OTOA: variants seen among roughly 807,000 people sequenced by gnomAD.
OTOA encodes otoancorin.
In OTOA, 70 loss-of-function variants were observed where a neutral mutation model predicts 110.8. The observed-to-expected ratio is 0.63, with a 90% CI of 0.52 to 0.77. The LOEUF (loss-of-function observed/expected upper bound fraction) is 0.77, where lower values mean the gene tolerates loss of function less well. OTOA is among the 30% of genes least tolerant of loss of function. The pLI, the probability that OTOA is intolerant of heterozygous loss-of-function variation, is 0.00. For synonymous variants in OTOA, 373 were observed against 431.5 expected, an observed-to-expected ratio of 0.86 and a Z score of 1.68; for missense variants, 917 against 1,075.8, an observed-to-expected ratio of 0.85 and a Z score of 2.06.
chr16:21,678,767 G>C (rs1352261827), intron 2 of OTOA, 148 bp from the exon 3 acceptor site: 1 of 1,220,428 alleles, frequency 8.2e-7, no homozygotes, highest in South Asian at 1.2e-5. Context: ...TTCAAGCCAC[G>C]GTTTTCTCAG....
chr16:21,707,728 CTCT>C (rs1304294654), intron 12 of OTOA, among the ~76,000 whole-genome samples: 13 of 126,702 alleles, frequency 1.0e-4, no homozygotes, highest in East Asian at 4.6e-4. Context: ...CTCTTTCTCA[CTCT>C]CTCTCTTTCT....
rs142967651 is a variant in OTOA, at chr16:21,736,370, C to T, written c.2411C>T (p.Pro804Leu). 1 of 1,614,006 alleles carries T rather than the reference C, an allele frequency of 6.2e-7. No homozygotes were observed. Among genetic ancestry groups the T allele is most frequent in the Non-Finnish European group, 8.5e-7 (1 of 1,180,018 alleles). Residue 804 changes from proline (P) to leucine (L), a missense_variant, in exon 22 of 29, where the codon CCC becomes CTC. Pro to Leu is a moderately conservative substitution (Grantham distance 98). Transcript: ENST00000646100. ...QSVRNSSDKI[P>L]SYDPMPGCHG... The stretch of plus-strand genomic sequence containing the variant: ...GTTCGGAACAGCAGTGATAAGATCC[C>T]CAGCTATGACCCTATGCCTGGTGAG...
chr16:21,678,427 T>C (rs1312174533), intron 1 of OTOA, 84 bp from the exon 2 acceptor site: 5 of 854,448 alleles, frequency 5.9e-6, no homozygotes, highest in African/African-American at 1.7e-5. Flanking sequence ...TATATGTTTA[T>C]ATACATGTAT....
At chr16:21,717,086 C>T (rs760174708) in intron 15 of OTOA, 39 bp downstream of exon 15, 4 of 1,611,538 alleles carry the variant, frequency 2.5e-6, no homozygotes, top group Non-Finnish European at 3.4e-6. Context: ...GTATTTCTGA[C>T]TATCTGTCTT....
At chr16:21,702,481 G>A (rs902480253) in intron 11 of OTOA, among the ~76,000 whole-genome samples, 1 of 152,078 alleles carries the variant, frequency 6.6e-6, no homozygotes, top group Non-Finnish European at 1.5e-5. Flanking sequence ...ATGGGACCTC[G>A]AGCCAGACTT....
At chr16:21,684,356 A>AG (rs2141657637) in intron 6 of OTOA, 1 of 1,397,586 alleles carries the variant, frequency 7.2e-7, no homozygotes, top group African/African-American at 1.4e-5. Flanking sequence ...CAGACAGCAG[A>AG]GGAAATCTCT....
chr16:21,701,948 GTTT>G (rs66850947), intron 11 of OTOA, among the ~76,000 whole-genome samples: 104 of 96,216 alleles, frequency 1.1e-3, no homozygotes, highest in South Asian at 2.5e-3. Context: ...ATTCAATCCT[GTTT>G]TTTTTTTTTT....
intron 8 of OTOA, among the ~76,000 whole-genome samples, chr16:21,690,195 T>TA (rs1364977360): frequency 2.6e-5 from 4 of 152,138 alleles, no homozygotes; most frequent in Non-Finnish European, 5.9e-5. Context: ...GGGTATTTTT[T>TA]GTTTTTAAGT....
chr16:21,677,416 GA>G, intron 1 of OTOA, among the ~76,000 whole-genome samples: 1 of 150,794 alleles, frequency 6.6e-6, no homozygotes, highest in African/African-American at 2.4e-5. Context: ...TAGCTAATGT[GA>G]TAATCATTTG....
At chr16:21,756,675 C>T (rs948144259) in intron 27 of OTOA, among the ~76,000 whole-genome samples, 1 of 151,984 alleles carries the variant, frequency 6.6e-6, no homozygotes, top group African/African-American at 2.4e-5. Flanking sequence ...CTTCTAAATA[C>T]CTCAAGAAGG....
At chr16:21,715,227 CT>C in intron 14 of OTOA, 75 bp downstream of exon 14, 1 of 1,594,956 alleles carries the variant, frequency 6.3e-7, no homozygotes, top group East Asian at 2.2e-5. Flanking sequence ...TGGGCTGTGA[CT>C]TTGGGCCATG....
chr16:21,718,486 A>G (rs1898625481), intron 15 of OTOA, among the ~76,000 whole-genome samples: 1 of 152,146 alleles, frequency 6.6e-6, no homozygotes. Flanking sequence ...TTTGGCTCTC[A>G]GCTACCATGT....
intron 17 of OTOA, 34 bp downstream of exon 17, chr16:21,719,538 C>T (rs1418071964): frequency 2.5e-6 from 4 of 1,571,464 alleles, no homozygotes; most frequent in Non-Finnish European, 3.5e-6. Context: ...TTCTAATTCT[C>T]TCTCCCTACC....
intron 1 of OTOA, among the ~76,000 whole-genome samples, chr16:21,664,505 C>T (rs758469108): frequency 1.8e-4 from 28 of 152,090 alleles, no homozygotes; most frequent in Non-Finnish European, 3.5e-4. Flanking sequence ...ACAACTGTTG[C>T]AATAACTATC....
At position 21,726,527 on chromosome 16, in the gene OTOA, C is replaced by T. The variant is rs141343424; in HGVS notation, c.1885C>T (p.Arg629Cys). The T allele has an allele frequency of 1.4e-5, 22 of 1,613,458 alleles. No homozygotes were observed. Among genetic ancestry groups the T allele is most frequent in the African/African-American group, 4.0e-5 (3 of 74,888 alleles). ...PPFLLAALPARYLASVPASQC... is the reference protein window; with the variant it reads ...PPFLLAALPACYLASVPASQC... ...GTTCTCCCCATCTCTCTCCAGGGCC[C>T]GCTACCTGGCTTCTGTCCCAGCCTC... Residue 629 changes from arginine (R) to cysteine (C), a missense_variant, in exon 19 of 29, where the codon CGC becomes TGC. Arg to Cys is a radical substitution (Grantham distance 180). Around this residue, in one of 6 missense-constraint regions of OTOA, gnomAD observed 840 missense variants for 910.2 expected, o/e 0.92. Transcript: ENST00000646100.
At chr16:21,708,708 C>A (rs111606899) in intron 12 of OTOA, among the ~76,000 whole-genome samples, 2 of 152,170 alleles carry the variant, frequency 1.3e-5, no homozygotes, top group Non-Finnish European at 2.9e-5. Flanking sequence ...TGCTGCCCCC[C>A]AGTGGCTATT....
intron 1 of OTOA, among the ~76,000 whole-genome samples, chr16:21,675,448 GC>G (rs1966856012): frequency 6.7e-6 from 1 of 149,728 alleles, no homozygotes; most frequent in Non-Finnish European, 1.5e-5. Flanking sequence ...GAGCCACTGT[GC>G]CCTGCTAATG....
At chr16:21,702,022 C>T (rs569726115) in intron 11 of OTOA, among the ~76,000 whole-genome samples, 1 of 149,730 alleles carries the variant, frequency 6.7e-6, no homozygotes, top group Admixed American at 6.7e-5. Context: ...GCAATACCAG[C>T]TCACTACAAC....
intron 1 of OTOA, among the ~76,000 whole-genome samples, chr16:21,677,281 C>A (rs988498273): frequency 1.3e-5 from 2 of 152,116 alleles, no homozygotes; most frequent in Admixed American, 1.3e-4. Context: ...TTTTTCCAAG[C>A]AGCTGTATCA....
Sources: gnomAD v4.1 joint callset for allele counts (sites outside exome capture counted in the v4.1 genomes callset) on GRCh38, gnomAD v4.1.1 for gene constraint, gnomAD v4.1.1 regional missense constraint, MANE v1.5 for transcripts, NCBI Gene and HGNC (gene_info 2026-07-23, HGNC 2026-07-21) for gene names.